Variants in MXRA5 observed in about 807,000 individuals in gnomAD.
The protein encoded by MXRA5 is matrix remodeling associated 5, also known as matrix-remodeling-associated protein 5.
In MXRA5, 41 loss-of-function variants were observed where a neutral mutation model predicts 112.5. That is an observed-to-expected ratio of 0.36 (90% CI 0.28 to 0.47). MXRA5 has a LOEUF of 0.47. Among genes scored for constraint, MXRA5 ranks in the 20% least tolerant of loss-of-function variants. The probability of loss-of-function intolerance (pLI) is 0.99; values close to 1 mark genes in which losing one functional copy is unlikely to be tolerated. For synonymous variants in MXRA5, 862 were observed against 900.8 expected (o/e 0.96, Z 0.77); for missense variants, 2,150 against 2,251.0 (o/e 0.96, Z 0.91).
intron 6 of MXRA5, among the ~76,000 whole-genome samples, chrX:3,314,810 G>A (rs1381197128): frequency 9.1e-6 from 1 of 109,713 alleles, no homozygotes; most frequent in Admixed American, 9.8e-5. Context: ...AATGTTGCCA[G>A]ACATAGCCAA....
Position 3,330,712 on chromosome X carries a change from G to A in MXRA5, c.250C>T (p.Leu84Phe). The change falls in exon 3 of 7, where the codon CTT (leucine) becomes TTT (phenylalanine). Residue 84 changes from leucine (L) to phenylalanine (F), a missense_variant. Transcript: ENST00000217939. ...GGGATCTCATTGCCGTGAATCATAA[G>A]TAGCTCCAACTTGGTCAGTCCTGCA... Reference protein sequence around the residue: ...SFAGLTKLELLMIHGNEIPSI... With the variant: ...SFAGLTKLELFMIHGNEIPSI... 1 of 1,210,073 alleles carries A rather than the reference G, an allele frequency of 8.3e-7. No homozygotes were observed. Among genetic ancestry groups the A allele is most frequent in the Middle Eastern group, 2.3e-4 (1 of 4,353 alleles).
At chrX:3,333,302 CAAAAAAAAAAAAA>C (rs386416494) in intron 2 of MXRA5, among the ~76,000 whole-genome samples, 7 of 14,809 alleles carry the variant, frequency 4.7e-4, no homozygotes, top group South Asian at 0.019. Context: ...TACCCCATAT[CAAAAAAAAAAAAA>C]AAAAAAAAAA....
intron 5 of MXRA5, among the ~76,000 whole-genome samples, chrX:3,318,213 T>A (rs1921205306): frequency 9.0e-6 from 1 of 111,718 alleles, no homozygotes; most frequent in Non-Finnish European, 1.9e-5. Flanking sequence ...CAGGCGAGAG[T>A]GCAGTGGTAC....
chrX:3,333,156 A>G (rs775105735), intron 2 of MXRA5, among the ~76,000 whole-genome samples: 118 of 108,021 alleles, frequency 1.1e-3, no homozygotes, highest in Non-Finnish European at 1.3e-3. Context: ...TACAAAAATT[A>G]GTTGGGTGTG....
At position 3,317,721 on chromosome X, in the gene MXRA5, G is replaced by A. The variant is rs778215182; in HGVS notation, c.5960C>T (p.Pro1987Leu). The A allele has an allele frequency of 2.7e-5, 33 of 1,204,604 alleles. No individual in the cohort carries two copies. The highest frequency in any genetic ancestry group is 3.6e-5 in the Non-Finnish European group (32 of 891,925). Residue 1987 changes from proline to leucine, a missense_variant, in exon 6 of 7, where the codon CCT (proline) becomes CTT (leucine). Physicochemically the swap from Pro to Leu is moderately conservative, Grantham distance 98. Transcript: ENST00000217939. ...CACAGTTTGCCACACCCTCCTGTCA[G>A]GGAAGATCCAGGAAATTTGGGGGGC... ...TPAPQISWIF[P>L]DRRVWQTVSP...
chrX:3,317,295 C>A lies in MXRA5; in HGVS notation c.6386G>T (p.Gly2129Val), dbSNP rs753446720. The part of the protein sequence containing the change: ...RYECVAANLV[G>V]SARRTVQLNV... ...CAGCTGCACCGTCCTGCGCGCGGAG[C>A]CTACCAGGTTGGCGGCCACGCACTC... The change falls in exon 6 of 7, where the codon GGC becomes GTC. Residue 2129 changes from glycine (G) to valine (V), a missense_variant. Physicochemically the swap from Gly to Val is moderately radical, Grantham distance 109. Coordinates refer to ENST00000217939, the MANE Select transcript of MXRA5 (RefSeq NM_015419.4). 1 of 1,205,900 alleles carries A rather than the reference C, an allele frequency of 8.3e-7. No homozygotes were observed. The highest frequency in any genetic ancestry group is 1.1e-6 in the Non-Finnish European group (1 of 892,016).
rs189553520 is a variant in MXRA5, at chrX:3,324,706, C to T, written c.979G>A (p.Gly327Arg). 51 of 1,208,521 alleles carry T rather than the reference C, an allele frequency of 4.2e-5. No individual in the cohort carries two copies. Among genetic ancestry groups the T allele is most frequent in the Admixed American group, 2.2e-4 (10 of 45,595 alleles). The change falls in exon 5 of 7, where the codon GGG becomes AGG. Residue 327 changes from glycine (G) to arginine (R), a missense_variant. Coordinates refer to ENST00000217939, the MANE Select transcript of MXRA5 (RefSeq NM_015419.4). ...SISLNMTDEH[G>R]NMVNLVCDIK... ...TCACAGACCAAGTTCACCATGTTCC[C>T]GTGCTCGTCGGTCATATTCAAAGAG... is the stretch of plus-strand genomic sequence containing the variant.
In MXRA5 at chrX:3,310,201, G is replaced by T. The variant is rs771549368; in HGVS notation, c.8002C>A (p.Arg2668Ser). ...PCTPPGAGQG[R>S]FSWTLPNGMH... is the part of the protein sequence containing the mutation. ...CCATTGGGGAGCGTCCAGGAGAAAC[G>T]TCCCTGCCCAGCCCCGGGAGGGGTG... The change falls in exon 7 of 7, where the codon CGT becomes AGT. Residue 2668 changes from arginine to serine, a missense_variant. Physicochemically the swap from Arg to Ser is moderately radical, Grantham distance 110 (BLOSUM62 -1). Around this residue, in one of 6 missense-constraint regions of MXRA5, gnomAD observed 178 missense variants for 198.2 expected, o/e 0.90. Transcript: ENST00000217939. 1.2e-4 allele frequency: 140 copies of T among 1,209,983 alleles called. No homozygotes were observed. Among genetic ancestry groups the T allele is most frequent in the Non-Finnish European group, 1.5e-4 (134 of 895,110 alleles).
In MXRA5 at chrX:3,324,319, A is replaced by G. The variant is rs770383753; in HGVS notation, c.1366T>C (p.Tyr456His). 10 of 1,209,557 alleles carry G rather than the reference A, an allele frequency of 8.3e-6. No homozygotes were observed. In the African/African-American group the frequency reaches 1.8e-4, roughly 21 times the overall value. ...STAKKVLLSY[Y>H]TQYSQTISTK... ...GATATTGTTTGAGAATACTGGGTGT[A>G]GTAGGAAAGTAGCACCTTCTTGGCC... The change falls in exon 5 of 7, where the codon TAC (tyrosine) becomes CAC (histidine). Residue 456 changes from tyrosine (Y) to histidine (H), a missense_variant. Coordinates refer to ENST00000217939, the MANE Select transcript of MXRA5 (RefSeq NM_015419.4).
Position 3,320,799 on chromosome X carries a change from G to C in MXRA5, c.4886C>G (p.Ala1629Gly). ...CTGGGAAGTTACAAAGTATCTGGAA[G>C]CGCTTTGTGTGGACATTTCAGGCAG... is the stretch of plus-strand genomic sequence containing the variant. ...VRLPEMSTQS[A>G]SRYFVTSQSP... Residue 1629 changes from alanine to glycine, a missense_variant, in exon 5 of 7, where the codon GCT (alanine) becomes GGT (glycine). Physicochemically the swap from Ala to Gly is moderately conservative, Grantham distance 60 (BLOSUM62 0). This residue lies in a region of MXRA5 where 1,485 missense variants were observed against 1,471.6 expected (regional missense o/e 1.01). Coordinates refer to ENST00000217939, the MANE Select transcript of MXRA5 (RefSeq NM_015419.4). 8.2e-7 allele frequency: 1 copy of C among 1,212,175 alleles called. No homozygotes were observed. The highest frequency in any genetic ancestry group is 1.1e-6 in the Non-Finnish European group (1 of 895,639).
Position 3,322,845 on chromosome X carries a change from G to C in MXRA5, c.2840C>G (p.Ala947Gly). The C allele has an allele frequency of 2.5e-6, 3 of 1,211,618 alleles. No homozygotes were observed. The highest frequency in any genetic ancestry group is 3.4e-6 in the Non-Finnish European group (3 of 895,522). The change falls in exon 5 of 7, where the codon GCA (alanine) becomes GGA (glycine). Residue 947 changes from alanine (A) to glycine (G), a missense_variant. Around this residue, in one of 6 missense-constraint regions of MXRA5, gnomAD observed 1,485 missense variants for 1,471.6 expected, o/e 1.01. Transcript: ENST00000217939. Reference protein sequence around the residue: ...EETATEGWSAADVGSSPEPTS... With the variant: ...EETATEGWSAGDVGSSPEPTS... ...GGGCTCTGGTGACGATCCAACATCT[G>C]CTGCAGACCAACCCTCTGTTGCCGT...
At position 3,320,477 on chromosome X, in the gene MXRA5, C is replaced by A; in HGVS notation, c.5208G>T (p.Lys1736Asn). 8.3e-7 allele frequency: 1 copy of A among 1,211,240 alleles called. No homozygotes were observed. Among genetic ancestry groups the A allele is most frequent in the Non-Finnish European group, 1.1e-6 (1 of 895,130 alleles). The change falls in exon 5 of 7, where the codon AAG (lysine) becomes AAT (asparagine). Residue 1736 changes from lysine (K) to asparagine (N), a missense_variant. Coordinates refer to ENST00000217939, the MANE Select transcript of MXRA5 (RefSeq NM_015419.4). ...CTCCCAACTGTGGAAAAGAAAGAGT[C>A]TTGTTGGTAAAGAAAGGGAGTCTTC... ...SNGRLPFFTN[K>N]TLSFPQLGVT...
At chrX:3,332,465 C>T (rs1201898412) in intron 2 of MXRA5, among the ~76,000 whole-genome samples, 2 of 110,526 alleles carry the variant, frequency 1.8e-5, no homozygotes, top group East Asian at 2.9e-4. Flanking sequence ...AGGATGGTCT[C>T]GATCTCCTGA....
rs1921390716 is a variant in MXRA5 at position 3,324,038 on chromosome X, G to A, written c.1647C>T (p.Asp549=). Residue 549 remains aspartate, a synonymous_variant, in exon 5 of 7, where the codon GAC becomes GAT. Transcript: ENST00000217939. ...WLRIKSMEPS[D]SGLYQCIAQV... ...GAGCAATGCACTGGTACAAGCCTGA[G>A]TCAGATGGCTCCATGGACTTGATCC... 2.5e-6 allele frequency: 3 copies of A among 1,204,890 alleles called. No individual in the cohort carries two copies. The highest frequency in any genetic ancestry group is 2.2e-6 in the Non-Finnish European group (2 of 892,020).
At chrX:3,312,646 C>T (rs1445481811) in intron 6 of MXRA5, among the ~76,000 whole-genome samples, 3 of 108,389 alleles carry the variant, frequency 2.8e-5, no homozygotes, top group African/African-American at 1.0e-4. Context: ...ACTGTAGTCT[C>T]GATCTCTTGG....
intron 6 of MXRA5, among the ~76,000 whole-genome samples, chrX:3,316,360 A>C (rs1428308720): frequency 1.3e-4 from 13 of 98,453 alleles, no homozygotes; most frequent in African/African-American, 3.1e-4. Context: ...ATAAATAAAT[A>C]AATCACACAC....
Position 3,309,852 on chromosome X carries a change from T to C in MXRA5, c.8351A>G (p.Tyr2784Cys). The C allele has an allele frequency of 8.3e-7, 1 of 1,211,557 alleles. No homozygotes were observed. The highest frequency in any genetic ancestry group is 1.1e-6 in the Non-Finnish European group (1 of 895,505). Residue 2784 changes from tyrosine to cysteine, a missense_variant, in exon 7 of 7, where the codon TAT becomes TGT. Tyr to Cys is a radical substitution (Grantham distance 194). Coordinates refer to ENST00000217939, the MANE Select transcript of MXRA5 (RefSeq NM_015419.4). ...CTGGGGGTGAAGAAATCTGTTTCCA[T>C]ACAGACGAGCCTGAACCCCTGCCTT... is the stretch of plus-strand genomic sequence containing the variant. ...HLKAGVQARLYGNRFLHPQGS... is the reference protein window; with the variant it reads ...HLKAGVQARLCGNRFLHPQGS...
chrX:3,321,959 T>C lies in MXRA5; in HGVS notation c.3726A>G (p.Arg1242=), dbSNP rs1358272994. 1 of 1,211,264 alleles carries C rather than the reference T, an allele frequency of 8.3e-7. No individual in the cohort carries two copies. Among genetic ancestry groups the C allele is most frequent in the East Asian group, 3.0e-5 (1 of 33,818 alleles). ...TTGAGCTCACTGTAGAAGGGGTATA[T>C]CGATGTTTGTTTGGCCTCTTCCCGT... The part of the protein sequence containing the change: ...RKHGKRPNKH[R]YTPSTVSSRA... Residue 1242 remains arginine, a synonymous_variant, in exon 5 of 7, where the codon CGA becomes CGG. Transcript: ENST00000217939.
chrX:3,343,072 A>T (rs1922025442), intron 2 of MXRA5, among the ~76,000 whole-genome samples: 1 of 112,178 alleles, frequency 8.9e-6, no homozygotes, highest in Non-Finnish European at 1.9e-5. Context: ...GGTCCACACA[A>T]CCCTCGTGTG....
Sources: gnomAD v4.1 joint callset for allele counts (sites outside exome capture counted in the v4.1 genomes callset) on GRCh38, gnomAD v4.1.1 for gene constraint, gnomAD v4.1.1 regional missense constraint, MANE v1.5 for transcripts, NCBI Gene and HGNC (gene_info 2026-07-23, HGNC 2026-07-21) for gene names.